CNNM2: variants seen among roughly 807,000 people sequenced by gnomAD.
CNNM2 encodes metal transporter CNNM2.
A neutral mutation model predicts 66.9 loss-of-function variants in CNNM2; 12 were observed. The ratio of observed to expected loss-of-function variants is 0.18; its 90% confidence interval spans 0.11 to 0.29. The LOEUF is 0.29. Ranked by LOEUF, CNNM2 falls within the 10% of genes least tolerant of loss-of-function variation. CNNM2 has a pLI of 1.00. For synonymous variants in CNNM2, 557 were observed against 501.8 expected, an observed-to-expected ratio of 1.11 and a Z score of -1.47; for missense variants, 705 against 1,167.7, an observed-to-expected ratio of 0.60 and a Z score of 5.77.
intron 1 of CNNM2, among the ~76,000 whole-genome samples, chr10:102,996,991 G>C (rs751808828): frequency 2.6e-5 from 4 of 152,182 alleles, no homozygotes; most frequent in African/African-American, 7.2e-5. Context: ...CTGACATCCT[G>C]TGACTTCCCA....
intron 5 of CNNM2, 106 bp downstream of exon 5, chr10:103,068,828 CTTTTTGAACTTTT>C: frequency 2.4e-6 from 2 of 821,548 alleles, no homozygotes; most frequent in Non-Finnish European, 3.8e-6. Flanking sequence ...CATTCACTTC[CTTTTTGAACTTTT>C]TTTTTGAAGT....
At chr10:102,967,812 C>T (rs765092685) in intron 1 of CNNM2, among the ~76,000 whole-genome samples, 4 of 152,188 alleles carry the variant, frequency 2.6e-5, no homozygotes, top group African/African-American at 7.2e-5. Flanking sequence ...AGTTCCTGCC[C>T]AGACTGGCCA....
chr10:103,031,365 CTTTG>C (rs2064815873), intron 1 of CNNM2, among the ~76,000 whole-genome samples: 1 of 151,762 alleles, frequency 6.6e-6, no homozygotes, highest in Non-Finnish European at 1.5e-5. Flanking sequence ...TGGATATACA[CTTTG>C]TTTGAGTTTA....
chr10:102,997,459 T>C (rs1304914646), intron 1 of CNNM2, among the ~76,000 whole-genome samples: 1 of 152,200 alleles, frequency 6.6e-6, no homozygotes, highest in African/African-American at 2.4e-5. Context: ...GTTTTCTCTT[T>C]CTGGATATTG....
At chr10:102,980,481 G>A (rs889101608) in intron 1 of CNNM2, among the ~76,000 whole-genome samples, 2 of 152,000 alleles carry the variant, frequency 1.3e-5, no homozygotes, top group African/African-American at 4.8e-5. Flanking sequence ...TGTTATCCAA[G>A]CTGGTCTCGA....
chr10:102,924,806 G>A (rs776091644), intron 1 of CNNM2, among the ~76,000 whole-genome samples: 1 of 151,938 alleles, frequency 6.6e-6, no homozygotes, highest in Middle Eastern at 3.2e-3. Flanking sequence ...GGTATGAATG[G>A]TGTCACCGGG....
chr10:102,947,785 C>G (rs541275496), intron 1 of CNNM2, among the ~76,000 whole-genome samples: 6 of 152,058 alleles, frequency 3.9e-5, no homozygotes, highest in Non-Finnish European at 8.8e-5. Context: ...GGCGCGGTGG[C>G]TCATGCCTGT....
intron 1 of CNNM2, among the ~76,000 whole-genome samples, chr10:103,015,728 C>CT (rs1204799592): frequency 6.6e-6 from 1 of 152,132 alleles, no homozygotes; most frequent in African/African-American, 2.4e-5. Context: ...TGCTGCACGT[C>CT]TGTAATCCCA....
At chr10:103,071,928 C>A in intron 6 of CNNM2, 89 bp downstream of exon 6, 1 of 1,091,392 alleles carries the variant, frequency 9.2e-7, no homozygotes, top group Non-Finnish European at 1.4e-6. Flanking sequence ...CTCCCTTTAC[C>A]TGGACAGGCT....
In CNNM2 at chr10:103,085,791, T is replaced by C. The variant is rs1347176272; in HGVS notation, c.*8611T>C. 15 of 152,218 alleles carry C rather than the reference T, an allele frequency of 9.9e-5. No individual in the cohort carries two copies. The highest frequency in any genetic ancestry group is 9.8e-4 in the Admixed American group (15 of 15,290). The allele number at this position is 152,218 out of a possible 1,614,324, so 9.4% of individuals were successfully genotyped here. A position where few individuals can be genotyped will look rare whatever the true frequency, so the allele number is the denominator to read the frequency against. On this transcript the variant is annotated 3_prime_UTR_variant, in exon 8 of 8. Coordinates refer to ENST00000369878, the MANE Select transcript of CNNM2 (RefSeq NM_017649.5). ...AGCTCTACAGAGAAACTTCTGTATA[T>C]ATTTTATTTTTGAGATCACATACCT...
chr10:103,006,939 A>G (rs2064240548), intron 1 of CNNM2, among the ~76,000 whole-genome samples: 1 of 152,210 alleles, frequency 6.6e-6, no homozygotes, highest in African/African-American at 2.4e-5. Flanking sequence ...GCCCATTTAT[A>G]TGATTTTAAT....
intron 4 of CNNM2, among the ~76,000 whole-genome samples, chr10:103,058,300 G>A (rs543607991): frequency 1.3e-5 from 2 of 152,068 alleles, no homozygotes; most frequent in African/African-American, 2.4e-5. Flanking sequence ...TTTATTTACT[G>A]CAGTGAGGGA....
At chr10:102,930,504 C>CA (rs1295955642) in intron 1 of CNNM2, among the ~76,000 whole-genome samples, 1 of 152,172 alleles carries the variant, frequency 6.6e-6, no homozygotes, top group Non-Finnish European at 1.5e-5. Flanking sequence ...TCTTGAGGAA[C>CA]ATTTTACTGC....
At chr10:103,047,985 G>A (rs1326662769) in intron 1 of CNNM2, among the ~76,000 whole-genome samples, 3 of 151,272 alleles carry the variant, frequency 2.0e-5, no homozygotes, top group East Asian at 2.0e-4. Context: ...GTAATGGCAC[G>A]ATCTTGGCTC....
At chr10:103,006,212 CTT>C (rs752126982) in intron 1 of CNNM2, among the ~76,000 whole-genome samples, 5 of 143,462 alleles carry the variant, frequency 3.5e-5, no homozygotes, top group African/African-American at 5.1e-5. Flanking sequence ...TTTCTTTTTT[CTT>C]TTTTTTTTTT....
At position 102,944,911 on chromosome 10, in the gene CNNM2, G is replaced by A. The variant is rs1027675481; in HGVS notation, c.1621+24810G>A. 7.0e-4 allele frequency among the ~76,000 whole-genome samples: 106 copies of A among 151,350 alleles called. 1 individual carries two copies. The highest frequency in any genetic ancestry group is 5.9e-5 in the Non-Finnish European group (4 of 67,916). Reference sequence around the variant, plus strand: ...GTCCGGGCTAGTTGTAGAATGTTCTGCAATCTGGATTTATCTTATCTTCTC... The same window carrying A: ...GTCCGGGCTAGTTGTAGAATGTTCTACAATCTGGATTTATCTTATCTTCTC... On this transcript the variant is annotated intron_variant, in intron 1 of 7. Transcript: ENST00000369878.
rs199849767 is a variant in CNNM2 at position 102,918,893 on chromosome 10, C to T, written c.413C>T (p.Pro138Leu). 377 of 1,609,864 alleles carry T rather than the reference C, an allele frequency of 2.3e-4. 1 individual carries two copies. In the East Asian group the frequency reaches 4.5e-3, roughly 19 times the overall value. The change falls in exon 1 of 8, where the codon CCC becomes CTC. Residue 138 changes from proline to leucine, a missense_variant. By Grantham distance (98) the Pro-to-Leu change is moderately conservative. Around this residue, in one of 9 missense-constraint regions of CNNM2, gnomAD observed 100 missense variants for 151.9 expected, o/e 0.66. Transcript: ENST00000369878. The surrounding 1 kb of genome is among the most constrained non-coding windows in gnomAD (Gnocchi z 4.1). The stretch of plus-strand genomic sequence containing the variant: ...CCGGGGGAGCGCGGGCTGGGGGGCC[C>T]CGCGCCGCCAGAGCCGGACAGCGGC... ...HSPGERGLGG[P>L]APPEPDSGPQ...
chr10:103,070,111 G>C (rs924519001), intron 5 of CNNM2, among the ~76,000 whole-genome samples: 1 of 152,204 alleles, frequency 6.6e-6, no homozygotes. Context: ...TGGAGGCACA[G>C]TGTCCCCACT....
intron 1 of CNNM2, among the ~76,000 whole-genome samples, chr10:102,951,928 C>T (rs985278091): frequency 1.3e-5 from 2 of 151,996 alleles, no homozygotes; most frequent in Non-Finnish European, 2.9e-5. Context: ...CTCAGCCTCC[C>T]GAGGAGCTGG....
Sources: gnomAD v4.1 joint callset for allele counts (sites outside exome capture counted in the v4.1 genomes callset) on GRCh38, gnomAD v4.1.1 for gene constraint, gnomAD v4.1.1 regional missense constraint, Gnocchi (gnomAD v3.1) non-coding constraint, MANE v1.5 for transcripts, NCBI Gene and HGNC (gene_info 2026-07-23, HGNC 2026-07-21) for gene names.